SPAG9: variants seen among roughly 807,000 people sequenced by gnomAD.
The protein encoded by SPAG9 is C-Jun-amino-terminal kinase-interacting protein 4.
SPAG9 carries 35 observed loss-of-function variants against 166.5 expected under a neutral mutation model. That is an observed-to-expected ratio of 0.21 (90% CI 0.16 to 0.28). The LOEUF is 0.28. Among genes scored for constraint, SPAG9 ranks in the 10% least tolerant of loss-of-function variants. The pLI, the probability that SPAG9 is intolerant of heterozygous loss-of-function variation, is 1.00. For missense variants in SPAG9, 1,235 were observed against 1,603.3 expected, an observed-to-expected ratio of 0.77 and a Z score of 3.92; for synonymous variants, 534 against 565.5, an observed-to-expected ratio of 0.94 and a Z score of 0.79.
intron 29 of SPAG9, among the ~76,000 whole-genome samples, chr17:50,970,216 G>A (rs1382521509): frequency 6.6e-6 from 1 of 152,004 alleles, no homozygotes; most frequent in African/African-American, 2.4e-5. Flanking sequence ...ATACATTTTG[G>A]TATGAAAAGA....
intron 19 of SPAG9, among the ~76,000 whole-genome samples, chr17:50,992,793 A>T (rs1273855110): frequency 2.0e-5 from 3 of 152,148 alleles, no homozygotes; most frequent in African/African-American, 7.2e-5. Flanking sequence ...ACCTGAGGTC[A>T]GGAGTTCAAG....
At chr17:51,072,078 CTTTT>C (rs372452480) in intron 2 of SPAG9, among the ~76,000 whole-genome samples, 1 of 152,122 alleles carries the variant, frequency 6.6e-6, no homozygotes, top group African/African-American at 2.4e-5. Context: ...TTCATATTTT[CTTTT>C]TTTGTTTTAG....
intron 12 of SPAG9, among the ~76,000 whole-genome samples, chr17:51,002,052 G>A (rs1035565924): frequency 6.6e-6 from 1 of 152,060 alleles, no homozygotes; most frequent in African/African-American, 2.4e-5. Context: ...GCCTTGATCT[G>A]TTGCCCACCC....
intron 16 of SPAG9, 138 bp from the exon 17 acceptor site, chr17:50,995,671 T>G: frequency 1.6e-6 from 1 of 634,746 alleles, no homozygotes; most frequent in East Asian, 2.7e-5. Context: ...TTTTTGTTTT[T>G]TTGTTTTTTT....
chr17:51,036,363 T>C (rs1244400211), intron 5 of SPAG9, among the ~76,000 whole-genome samples: 3 of 152,144 alleles, frequency 2.0e-5, no homozygotes, highest in African/African-American at 4.8e-5. Flanking sequence ...ACAAATTCAG[T>C]CCTCATTCTA....
intron 29 of SPAG9, among the ~76,000 whole-genome samples, chr17:50,967,080 C>T (rs1248060432): frequency 6.6e-6 from 1 of 152,152 alleles, no homozygotes; most frequent in African/African-American, 2.4e-5. Flanking sequence ...TCCATGGTGT[C>T]CTGATCAGAC....
intron 8 of SPAG9, among the ~76,000 whole-genome samples, chr17:51,019,112 ATG>A (rs2045825984): frequency 6.6e-6 from 1 of 152,174 alleles, no homozygotes; most frequent in African/African-American, 2.4e-5. Flanking sequence ...TCCTTCTTCT[ATG>A]TGAAGACACA....
intron 8 of SPAG9, among the ~76,000 whole-genome samples, chr17:51,015,085 C>A (rs1427177724): frequency 6.6e-6 from 1 of 151,786 alleles, no homozygotes; most frequent in Non-Finnish European, 1.5e-5. Flanking sequence ...AAGGTATACA[C>A]CCAAAAGGAC....
chr17:51,098,423 C>T (rs1246427082), intron 1 of SPAG9, among the ~76,000 whole-genome samples: 1 of 151,356 alleles, frequency 6.6e-6, no homozygotes, highest in Non-Finnish European at 1.5e-5. Context: ...TTTCCAAACA[C>T]ACAGGCCCTG....
chr17:50,999,325 A>T, intron 14 of SPAG9: 1 of 623,570 alleles, frequency 1.6e-6, no homozygotes, highest in Non-Finnish European at 2.6e-6. Context: ...AAAACCAGCC[A>T]ATCAGAAACT....
intron 6 of SPAG9, among the ~76,000 whole-genome samples, chr17:51,029,356 T>C (rs531500810): frequency 5.3e-5 from 8 of 152,208 alleles, no homozygotes; most frequent in Non-Finnish European, 8.8e-5. Context: ...TTGTGCATTG[T>C]TGGTAGGATT....
chr17:51,071,543 A>G (rs2047820652), intron 2 of SPAG9, among the ~76,000 whole-genome samples: 1 of 152,212 alleles, frequency 6.6e-6, no homozygotes, highest in African/African-American at 2.4e-5. Context: ...ATATTCATTT[A>G]GATTTTGAAA....
chr17:51,056,699 CTA>C (rs1354813878), intron 2 of SPAG9, among the ~76,000 whole-genome samples: 1 of 151,994 alleles, frequency 6.6e-6, no homozygotes, highest in Non-Finnish European at 1.5e-5. Flanking sequence ...TCTAATATTC[CTA>C]TATTTATCAG....
At chr17:51,090,064 A>T (rs1167684466) in intron 1 of SPAG9, among the ~76,000 whole-genome samples, 1 of 152,124 alleles carries the variant, frequency 6.6e-6, no homozygotes, top group African/African-American at 2.4e-5. Flanking sequence ...TGAGATAAAG[A>T]CATTCCAGGC....
rs1177051667 is a variant in SPAG9, at chr17:51,076,985, T to TCTAGCTATCTAGCTATCTAGCTAGCTAG, written c.424+2571_424+2598dup. Among the ~76,000 whole-genome samples, 242 of 101,594 alleles carry TCTAGCTATCTAGCTATCTAGCTAGCTAG rather than the reference T, an allele frequency of 2.4e-3. 12 individuals carry two copies. Among genetic ancestry groups the TCTAGCTATCTAGCTATCTAGCTAGCTAG allele is most frequent in the East Asian group, 6.4e-3 (27 of 4,190 alleles). The allele number at this position is 101,594 out of a possible 152,430, so 66.6% of individuals were successfully genotyped here. On this transcript the variant is annotated intron_variant, in intron 2 of 29. Transcript: ENST00000262013. ...ATCTTGTCTCTATCTATCTATCTTA[T>TCTAGCTATCTAGCTATCTAGCTAGCTAG]CTAGCTATCTAGCTATCTAGCTAGC...
chr17:51,103,025 T>C (rs1002243934), intron 1 of SPAG9, among the ~76,000 whole-genome samples: 2 of 152,144 alleles, frequency 1.3e-5, no homozygotes, highest in South Asian at 2.1e-4. Context: ...TAAGGCAATG[T>C]AGGTAAAGTG....
intron 5 of SPAG9, among the ~76,000 whole-genome samples, chr17:51,035,407 C>T (rs1020221269): frequency 1.8e-4 from 27 of 152,144 alleles, no homozygotes; most frequent in African/African-American, 3.9e-4. Flanking sequence ...TTTAAAACTG[C>T]GAACTTTAAC....
intron 6 of SPAG9, among the ~76,000 whole-genome samples, chr17:51,022,634 A>C (rs1272270554): frequency 6.7e-6 from 1 of 148,256 alleles, no homozygotes; most frequent in East Asian, 2.0e-4. Context: ...ACCACCACTA[A>C]TAATAATAAT....
intron 2 of SPAG9, among the ~76,000 whole-genome samples, chr17:51,061,779 T>A (rs1252948617): frequency 6.6e-6 from 1 of 152,110 alleles, no homozygotes; most frequent in African/African-American, 2.4e-5. Context: ...AATCATTTTG[T>A]TCTCCTTAAG....
Sources: allele counts gnomAD v4.1 joint callset (sites outside exome capture counted in the v4.1 genomes callset), GRCh38; gene constraint gnomAD v4.1.1; transcripts MANE v1.5; gene names NCBI Gene and HGNC (gene_info 2026-07-23, HGNC 2026-07-21).